TTC7A: variants seen among roughly 807,000 people sequenced by gnomAD.
TTC7A encodes the protein tetratricopeptide repeat domain 7A, also known as tetratricopeptide repeat protein 7A.
A neutral mutation model predicts 103.7 loss-of-function variants in TTC7A; 110 were observed. That is an observed-to-expected ratio of 1.06 (90% CI 0.91 to 1.24). TTC7A has a LOEUF of 1.24. Ranked by LOEUF, TTC7A falls within the 50% of genes most tolerant of loss-of-function variation. The probability of loss-of-function intolerance (pLI) is 0.00; values close to 1 mark genes in which losing one functional copy is unlikely to be tolerated. For synonymous variants in TTC7A, 521 were observed against 467.9 expected, an observed-to-expected ratio of 1.11 and a Z score of -1.47; for missense variants, 1,340 against 1,116.3, an observed-to-expected ratio of 1.20 and a Z score of -2.86.
chr2:47,048,280 C>T (rs888198033), intron 16 of TTC7A, among the ~76,000 whole-genome samples: 2 of 152,170 alleles, frequency 1.3e-5, no homozygotes, highest in Non-Finnish European at 2.9e-5. Context: ...AAGGTAGGGA[C>T]CATGCTGTAC....
At chr2:46,989,905 C>T (rs1301134819) in intron 5 of TTC7A, among the ~76,000 whole-genome samples, 1 of 152,070 alleles carries the variant, frequency 6.6e-6, no homozygotes, top group African/African-American at 2.4e-5. Flanking sequence ...TAATGCCACT[C>T]TGCTGGTCCA....
intron 8 of TTC7A, among the ~76,000 whole-genome samples, chr2:46,996,968 T>G (rs67900058): frequency 3.1e-3 from 326 of 105,834 alleles, no homozygotes; most frequent in Admixed American, 6.9e-3. Flanking sequence ...TTGTGGTGGT[T>G]GTTGTTGTTG....
intron 6 of TTC7A, among the ~76,000 whole-genome samples, chr2:46,993,798 C>G (rs1446426182): frequency 6.6e-6 from 1 of 152,160 alleles, no homozygotes; most frequent in Non-Finnish European, 1.5e-5. Flanking sequence ...TGTTGACAAA[C>G]TTGCTACCAC....
intron 8 of TTC7A, among the ~76,000 whole-genome samples, chr2:46,997,098 C>T (rs1676282607): frequency 6.6e-6 from 1 of 152,142 alleles, no homozygotes; most frequent in South Asian, 2.1e-4. Flanking sequence ...TCTGTCTCAG[C>T]TTCCCGAGTG....
At chr2:47,036,138 C>G (rs1014937531) in intron 15 of TTC7A, among the ~76,000 whole-genome samples, 1 of 152,154 alleles carries the variant, frequency 6.6e-6, no homozygotes, top group African/African-American at 2.4e-5. Context: ...GGAGGGAAGC[C>G]GAGACCCGGA....
chr2:47,003,509 C>A (rs139010102), intron 8 of TTC7A, among the ~76,000 whole-genome samples: 2 of 152,044 alleles, frequency 1.3e-5, no homozygotes, highest in Admixed American at 6.5e-5. Flanking sequence ...GTTAGGCTGC[C>A]CCAGAAAGGA....
chr2:47,004,487 C>G (rs868586958), intron 8 of TTC7A, among the ~76,000 whole-genome samples: 1 of 152,144 alleles, frequency 6.6e-6, no homozygotes, highest in Admixed American at 6.5e-5. Context: ...TGGGGTAGCT[C>G]TGATGAGGGA....
intron 2 of TTC7A, among the ~76,000 whole-genome samples, chr2:46,921,024 G>A (rs6716381): frequency 0.29 from 43,181 of 151,280 alleles, 8,595 homozygotes; most frequent in African/African-American, 0.57. Context: ...TACTTTCTCA[G>A]CCTGACAGGG....
At chr2:46,961,019 T>G (rs1313675184) in intron 3 of TTC7A, among the ~76,000 whole-genome samples, 1 of 152,212 alleles carries the variant, frequency 6.6e-6, no homozygotes, top group East Asian at 1.9e-4. Flanking sequence ...GCTTTTATAT[T>G]TCAACCTAAC....
chr2:47,005,858 T>C, intron 8 of TTC7A, 64 bp from the exon 9 acceptor site: 1 of 1,588,236 alleles, frequency 6.3e-7, no homozygotes, highest in Non-Finnish European at 8.6e-7. Context: ...GTGGGGGCCC[T>C]GCGAAGACAG....
intron 15 of TTC7A, among the ~76,000 whole-genome samples, chr2:47,038,097 A>AT: frequency 6.6e-6 from 1 of 152,108 alleles, no homozygotes; most frequent in Middle Eastern, 3.4e-3. Context: ...CTAAAAATAA[A>AT]TTTAAAAAAA....
chr2:46,993,545 G>T lies in TTC7A; in HGVS notation c.843+17G>T. On this transcript the variant is annotated intron_variant, in intron 6 of 19. Transcript: ENST00000319190. The stretch of plus-strand genomic sequence containing the variant: ...TTCAAAGTGGTAATGTGGGGTGCTG[G>T]CAGTGCTGGCTTATTTAGGAGTCAG... 3.1e-6 allele frequency: 5 copies of T among 1,613,048 alleles called. No homozygotes were observed. Among genetic ancestry groups the T allele is most frequent in the South Asian group, 1.1e-5 (1 of 91,052 alleles).
At chr2:46,917,162 ATT>A (rs749992204) in intron 1 of TTC7A, 4 of 695,128 alleles carry the variant, frequency 5.8e-6, no homozygotes, top group African/African-American at 1.8e-5. Context: ...ATAATCCCTA[ATT>A]TTTTTTTCTT....
chr2:46,994,632 C>A, intron 7 of TTC7A, 118 bp downstream of exon 7: 1 of 1,010,648 alleles, frequency 9.9e-7, no homozygotes, highest in Non-Finnish European at 1.5e-6. Context: ...CAGCACACTG[C>A]CAGCCAGCCT....
intron 8 of TTC7A, among the ~76,000 whole-genome samples, chr2:47,002,951 A>G (rs1676985671): frequency 6.6e-6 from 1 of 151,980 alleles, no homozygotes; most frequent in Admixed American, 6.6e-5. Flanking sequence ...CTGCCTGCCT[A>G]TTGAGGGCCT....
intron 19 of TTC7A, among the ~76,000 whole-genome samples, chr2:47,065,511 C>A (rs933274744): frequency 3.3e-5 from 5 of 152,218 alleles, no homozygotes; most frequent in African/African-American, 4.8e-5. Context: ...TGATAAGGTT[C>A]TAACGTTGTC....
At position 47,018,583 on chromosome 2, in the gene TTC7A, C is replaced by CAA. The variant is rs201896192; in HGVS notation, c.1393-3263_1393-3262dup. On this transcript the variant is annotated intron_variant, in intron 11 of 19. Transcript: ENST00000319190. Reference sequence around the variant, plus strand: ...TGGGATACAGAGTGAGACTCCATCTCAAAAAAAAAAAAAAAAAGCTTATAT... The same window carrying CAA: ...TGGGATACAGAGTGAGACTCCATCTCAAAAAAAAAAAAAAAAAAAGCTTATAT... Among the ~76,000 whole-genome samples the CAA allele has an allele frequency of 2.3e-3, 175 of 77,208 alleles. 2 individuals carry two copies. The highest frequency in any genetic ancestry group is 5.2e-3 in the African/African-American group (116 of 22,212). 50.7% of individuals were successfully genotyped at this position (77,208 alleles called of 152,430 possible).
At chr2:47,056,229 C>T (rs1160695757) in intron 18 of TTC7A, among the ~76,000 whole-genome samples, 1 of 152,240 alleles carries the variant, frequency 6.6e-6, no homozygotes, top group Non-Finnish European at 1.5e-5. Flanking sequence ...CACCTTCCTT[C>T]TTTTTCTGGG....
intron 2 of TTC7A, among the ~76,000 whole-genome samples, chr2:46,927,608 C>G (rs1669458130): frequency 1.3e-5 from 2 of 151,988 alleles, no homozygotes; most frequent in Non-Finnish European, 2.9e-5. Flanking sequence ...GATCTGCTCT[C>G]CTCGGCCTCC....
Sources: gnomAD v4.1 joint callset for allele counts (sites outside exome capture counted in the v4.1 genomes callset) on GRCh38, gnomAD v4.1.1 for gene constraint, MANE v1.5 for transcripts, NCBI Gene and HGNC (gene_info 2026-07-23, HGNC 2026-07-21) for gene names.